Variants in PTCHD1 observed in about 807,000 individuals in gnomAD.
PTCHD1 encodes patched domain-containing protein 1.
In PTCHD1, 3 loss-of-function variants were observed where a neutral mutation model predicts 34.6. The observed-to-expected ratio is 0.09, with a 90% confidence interval of 0.04 to 0.22. The LOEUF (loss-of-function observed/expected upper bound fraction) is 0.22, where lower values mean the gene tolerates loss of function less well. Ranked by LOEUF, PTCHD1 falls within the 10% of genes least tolerant of loss-of-function variation. The pLI is 1.00. For missense variants in PTCHD1, 504 were observed against 685.5 expected (o/e 0.74, Z 2.96); for synonymous variants, 305 against 283.1 (o/e 1.08, Z -0.77).
Position 23,334,849 on chromosome X carries a change from C to G in PTCHD1, c.-27C>G. 2.8e-6 allele frequency: 3 copies of G among 1,088,271 alleles called. No homozygotes were observed. Among genetic ancestry groups the G allele is most frequent in the Non-Finnish European group, 3.7e-6 (3 of 820,984 alleles). The allele number at this position is 1,088,271 out of a possible 1,213,427, so 89.7% of individuals were successfully genotyped here. ...ACCCGCGCCGAGCGTGCGCCTCGCCCTCCTCCCGCGCCCGCTCTGCTCTAG... is the reference window on the plus strand; with the variant it reads ...ACCCGCGCCGAGCGTGCGCCTCGCCGTCCTCCCGCGCCCGCTCTGCTCTAG... On this transcript the variant is annotated 5_prime_UTR_variant, in exon 1 of 3. Transcript: ENST00000379361.
Position 23,363,230 on chromosome X carries a change from T to G in PTCHD1, c.352-16361T>G, listed in dbSNP as rs186554798. ...AGTCTGCAGAAGCTGTCTGCTGCCTTTTGTTCAGCTATGCCCTGCCCCCAG... is the reference window on the plus strand; with the variant it reads ...AGTCTGCAGAAGCTGTCTGCTGCCTGTTGTTCAGCTATGCCCTGCCCCCAG... On this transcript the variant is annotated intron_variant, in intron 1 of 2. Coordinates refer to ENST00000379361, the MANE Select transcript of PTCHD1 (RefSeq NM_173495.3). 3.5e-5 allele frequency among the ~76,000 whole-genome samples: 4 copies of G among 112,743 alleles called. No homozygotes were observed. The East Asian group carries it at 1.1e-3, about 32-fold the overall frequency.
rs1422659149 is a variant in PTCHD1 at position 23,397,609 on chromosome X, A to G, written c.*3424A>G. The G allele has an allele frequency of 8.9e-6, 1 of 111,792 alleles. No individual in the cohort carries two copies. The highest frequency in any genetic ancestry group is 3.3e-5 in the African/African-American group (1 of 30,674). 9.2% of individuals were successfully genotyped at this position (111,792 alleles called of 1,213,427 possible). A position where few individuals can be genotyped will look rare whatever the true frequency, so the allele number is the denominator to read the frequency against. On this transcript the variant is annotated 3_prime_UTR_variant, in exon 3 of 3. Coordinates refer to ENST00000379361, the MANE Select transcript of PTCHD1 (RefSeq NM_173495.3). ...CCTTTTACTCCCTCAGTTTTCAGTCAGAAGTGTGATAATCAGATGCCATCC... is the reference window on the plus strand; with the variant it reads ...CCTTTTACTCCCTCAGTTTTCAGTCGGAAGTGTGATAATCAGATGCCATCC...
At chrX:23,390,966 G>A (rs987679702) in intron 2 of PTCHD1, among the ~76,000 whole-genome samples, 2 of 111,667 alleles carry the variant, frequency 1.8e-5, no homozygotes, top group African/African-American at 6.5e-5. Context: ...ATGGAAGCAG[G>A]AAATTAGATC....
intron 1 of PTCHD1, among the ~76,000 whole-genome samples, chrX:23,367,527 G>A (rs1318508822): frequency 9.0e-6 from 1 of 111,623 alleles, no homozygotes; most frequent in East Asian, 2.8e-4. Context: ...GTCAATTTCA[G>A]TAGGGCTGGC....
intron 1 of PTCHD1, among the ~76,000 whole-genome samples, chrX:23,351,809 G>C (rs1316027271): frequency 2.7e-5 from 3 of 112,010 alleles, no homozygotes; most frequent in African/African-American, 3.2e-5. Context: ...GACTGTAGTG[G>C]TTTGAGAAGT....
In PTCHD1 at chrX:23,392,661, G is replaced by A. The variant is rs1922867706; in HGVS notation, c.1143G>A (p.Met381Ile). 8.3e-7 allele frequency: 1 copy of A among 1,211,782 alleles called. No homozygotes were observed. The highest frequency in any genetic ancestry group is 1.1e-6 in the Non-Finnish European group (1 of 895,233). The change falls in exon 3 of 3, where the codon ATG becomes ATA. Residue 381 changes from methionine to isoleucine, a missense_variant. Physicochemically the swap from Met to Ile is conservative, Grantham distance 10. Transcript: ENST00000379361. The part of the protein sequence containing the change: ...SMLSFSLTTA[M>I]YLVTFGIGAS... ...TCTCCTTTTCTCTCACCACTGCCAT[G>A]TACCTGGTCACCTTTGGCATAGGGG...
intron 1 of PTCHD1, among the ~76,000 whole-genome samples, chrX:23,341,675 G>A (rs73205361): frequency 0.014 from 1,541 of 112,024 alleles, 19 homozygotes; most frequent in Middle Eastern, 0.023. Context: ...GACCAGCAGG[G>A]GAGGTGAGTA....
At chrX:23,349,172 G>A (rs1266089258) in intron 1 of PTCHD1, among the ~76,000 whole-genome samples, 4 of 110,533 alleles carry the variant, frequency 3.6e-5, no homozygotes, top group Non-Finnish European at 7.6e-5. Flanking sequence ...TAACAGAGGA[G>A]ATAAAATGCT....
intron 1 of PTCHD1, among the ~76,000 whole-genome samples, chrX:23,355,102 C>A (rs964373486): frequency 9.0e-6 from 1 of 110,766 alleles, no homozygotes; most frequent in Non-Finnish European, 1.9e-5. Flanking sequence ...CTACTCCCCG[C>A]CTACTGGGGC....
intron 2 of PTCHD1, among the ~76,000 whole-genome samples, chrX:23,382,118 C>T: frequency 9.0e-6 from 1 of 111,333 alleles, no homozygotes; most frequent in Admixed American, 9.6e-5. Context: ...CAAGGTGAGG[C>T]AAAAGGACGC....
At position 23,349,680 on chromosome X, in the gene PTCHD1, T is replaced by C. The variant is rs751239143; in HGVS notation, c.351+14454T>C. Among the ~76,000 whole-genome samples, 9 of 111,938 alleles carry C rather than the reference T, an allele frequency of 8.0e-5. No individual in the cohort carries two copies. The South Asian group carries it at 2.6e-3, about 32-fold the overall frequency. On this transcript the variant is annotated intron_variant, in intron 1 of 2. Coordinates refer to ENST00000379361, the MANE Select transcript of PTCHD1 (RefSeq NM_173495.3). Reference sequence around the variant, plus strand: ...TCAAAATACATAAGGCAAGAACTGATAGAACTGAAAGGAGAAATAGACAAA... The same window carrying C: ...TCAAAATACATAAGGCAAGAACTGACAGAACTGAAAGGAGAAATAGACAAA...
chrX:23,348,660 GA>G (rs1367634204), intron 1 of PTCHD1, among the ~76,000 whole-genome samples: 1 of 108,711 alleles, frequency 9.2e-6, no homozygotes, highest in South Asian at 3.9e-4. Flanking sequence ...GGGTTAAAAT[GA>G]AAAAAAAATC....
intron 2 of PTCHD1, among the ~76,000 whole-genome samples, chrX:23,390,785 G>T (rs766600020): frequency 4.5e-5 from 5 of 112,072 alleles, no homozygotes; most frequent in African/African-American, 1.6e-4. Context: ...ACTAGCTTGG[G>T]CATGAGGGAA....
At position 23,401,882 on chromosome X, in the gene PTCHD1, A is replaced by G. The variant is rs1384833966; in HGVS notation, c.*7697A>G. The G allele has an allele frequency of 8.8e-6, 1 of 113,044 alleles. No individual in the cohort carries two copies. The highest frequency in any genetic ancestry group is 3.2e-5 in the African/African-American group (1 of 31,106). The allele number at this position is 113,044 out of a possible 1,213,427, so 9.3% of individuals were successfully genotyped here. ...CCTGGAAAAGTGAATGTGCCTTGCA[A>G]TTTAAAAATTGCTAACAGTTTCACA... On this transcript the variant is annotated 3_prime_UTR_variant, in exon 3 of 3. Transcript: ENST00000379361.
At chrX:23,380,896 C>T (rs1922546374) in intron 2 of PTCHD1, among the ~76,000 whole-genome samples, 1 of 111,189 alleles carries the variant, frequency 9.0e-6, no homozygotes, top group African/African-American at 3.3e-5. Flanking sequence ...GGGAGGTGCT[C>T]CTGCAGCACA....
At chrX:23,357,133 A>G (rs1477117599) in intron 1 of PTCHD1, among the ~76,000 whole-genome samples, 1 of 112,025 alleles carries the variant, frequency 8.9e-6, no homozygotes, top group African/African-American at 3.2e-5. Context: ...TCTTTCTTGC[A>G]GTGTTTACAG....
chrX:23,348,912 T>C (rs757956945), intron 1 of PTCHD1, among the ~76,000 whole-genome samples: 6 of 112,244 alleles, frequency 5.3e-5, no homozygotes, highest in Admixed American at 1.9e-4. Context: ...TTACTCTTAA[T>C]TGATCTGAGA....
At chrX:23,380,649 G>T (rs1922538574) in intron 2 of PTCHD1, among the ~76,000 whole-genome samples, 1 of 111,590 alleles carries the variant, frequency 9.0e-6, no homozygotes, top group African/African-American at 3.3e-5. Context: ...GAAGTTGAAG[G>T]CACTTCAGTT....
intron 1 of PTCHD1, among the ~76,000 whole-genome samples, chrX:23,353,208 CAT>C (rs1441974934): frequency 8.9e-6 from 1 of 112,452 alleles, no homozygotes; most frequent in Non-Finnish European, 1.9e-5. Context: ...GGTAATGAAA[CAT>C]ATTAGGGGAA....
Sources: allele counts gnomAD v4.1 joint callset (sites outside exome capture counted in the v4.1 genomes callset), GRCh38; gene constraint gnomAD v4.1.1; transcripts MANE v1.5; gene names NCBI Gene and HGNC (gene_info 2026-07-23, HGNC 2026-07-21).